TRPV2: variants seen among roughly 807,000 people sequenced by gnomAD.
TRPV2 encodes the protein OTRPC2.
TRPV2 carries 58 observed loss-of-function variants against 91.0 expected under a neutral mutation model. The ratio of observed to expected loss-of-function variants is 0.64; its 90% CI spans 0.52 to 0.79. TRPV2 has a LOEUF of 0.79. TRPV2 is among the 30% of genes least tolerant of loss of function. The pLI is 0.00. For missense variants in TRPV2, 807 were observed against 969.6 expected (o/e 0.83, Z 2.23); for synonymous variants, 417 against 414.8 (o/e 1.01, Z -0.06).
In TRPV2 at chr17:16,432,554, C is replaced by T. The variant is rs1461508230; in HGVS notation, c.1989+254C>T. Among the ~76,000 whole-genome samples the T allele has an allele frequency of 2.6e-5, 4 of 151,758 alleles. No homozygotes were observed. The East Asian group carries it at 7.8e-4, about 30-fold the overall frequency. ...CTCCTGAGCTCAAGTGATCCTCCTT[C>T]CTCAGCCTCCTGAGTAGCTGGGGTT... On this transcript the variant is annotated intron_variant, in intron 12 of 14. Coordinates refer to ENST00000338560, the MANE Select transcript of TRPV2 (RefSeq NM_016113.5).
In TRPV2 at chr17:16,417,681, T is replaced by C. The variant is rs775635605; in HGVS notation, c.13T>C (p.Ser5Pro). The change falls in exon 2 of 15, where the codon TCC (serine) becomes CCC (proline). Residue 5 changes from serine to proline, a missense_variant. Physicochemically the swap from Ser to Pro is moderately conservative, Grantham distance 74. Coordinates refer to ENST00000338560, the MANE Select transcript of TRPV2 (RefSeq NM_016113.5). Reference sequence around the variant, plus strand: ...TCCTCCTCCTAGGATGACCTCACCCTCCAGCTCTCCAGTTTTCAGGTTGGA... The same window carrying C: ...TCCTCCTCCTAGGATGACCTCACCCCCCAGCTCTCCAGTTTTCAGGTTGGA... MTSPSSSPVFRLETL... is the reference protein window; with the variant it reads MTSPPSSPVFRLETL... 2.5e-6 allele frequency: 4 copies of C among 1,614,000 alleles called. No individual in the cohort carries two copies. In the South Asian group the frequency reaches 4.4e-5, roughly 18 times the overall value.
At position 16,417,825 on chromosome 17, in the gene TRPV2, C is replaced by T; in HGVS notation, c.157C>T (p.Gln53Ter). The T allele has an allele frequency of 6.2e-7, 1 of 1,614,204 alleles. No individual in the cohort carries two copies. Among genetic ancestry groups the T allele is most frequent in the Non-Finnish European group, 8.5e-7 (1 of 1,180,034 alleles). ...FQGEDRKFAPQIRVNLNYRKG... is the reference protein window; with the variant it reads ...FQGEDRKFAP ...GGGCGAGGACCGGAAATTCGCCCCTCAGATAAGAGTCAACCTCAACTACCG... is the reference window on the plus strand; with the variant it reads ...GGGCGAGGACCGGAAATTCGCCCCTTAGATAAGAGTCAACCTCAACTACCG... Residue 53 changes from glutamine (Q) to a stop codon, truncating the protein, a stop_gained, in exon 2 of 15, where the codon CAG becomes TAG. Transcript: ENST00000338560. LOFTEE classifies it high-confidence loss of function.
At chr17:16,431,286 T>TATATATATATAC (rs1491151601) in intron 10 of TRPV2, among the ~76,000 whole-genome samples, 4 of 48,702 alleles carry the variant, frequency 8.2e-5, no homozygotes, top group African/African-American at 3.0e-4. Flanking sequence ...TATATATATA[T>TATATATATATAC]ACATATTTTT....
Position 16,432,060 on chromosome 17 carries a change from C to T in TRPV2, c.1749C>T (p.Asp583=), listed in dbSNP as rs774445598. The T allele has an allele frequency of 1.6e-5, 26 of 1,613,850 alleles. No homozygotes were observed. Among genetic ancestry groups the T allele is most frequent in the South Asian group, 7.7e-5 (7 of 91,072 alleles). Residue 583 remains aspartate (D), a synonymous_variant, in exon 12 of 15, where the codon GAC becomes GAT. Coordinates refer to ENST00000338560, the MANE Select transcript of TRPV2 (RefSeq NM_016113.5). ...ESVQPMEGQE[D]EGNGAQYRGI... ...TGCAGCCCATGGAGGGACAGGAGGACGAGGGCAACGGGGCCCAGTACAGGG... is the reference window on the plus strand; with the variant it reads ...TGCAGCCCATGGAGGGACAGGAGGATGAGGGCAACGGGGCCCAGTACAGGG...
In TRPV2 at chr17:16,427,489, T is replaced by C; in HGVS notation, c.1292T>C (p.Met431Thr). 1 of 1,613,914 alleles carries C rather than the reference T, an allele frequency of 6.2e-7. No individual in the cohort carries two copies. The highest frequency in any genetic ancestry group is 1.1e-5 in the South Asian group (1 of 91,066). The change falls in exon 8 of 15, where the codon ATG becomes ACG. Residue 431 changes from methionine to threonine, a missense_variant. Transcript: ENST00000338560. ...PHLKAEVGNSMLLTGHILILL... is the reference protein window; with the variant it reads ...PHLKAEVGNSTLLTGHILILL... ...CTGAAAGCGGAGGTTGGAAACTCCA[T>C]GCTGCTGACGGGCCACATCCTTATC...
chr17:16,434,479 A>AAG (rs951781547), intron 13 of TRPV2, among the ~76,000 whole-genome samples: 6 of 151,872 alleles, frequency 4.0e-5, no homozygotes, highest in Middle Eastern at 3.4e-3. Flanking sequence ...AAAAAAAAAA[A>AAG]AAAAAGAAAA....
At chr17:16,428,039 C>A (rs2093392202) in intron 8 of TRPV2, among the ~76,000 whole-genome samples, 1 of 152,144 alleles carries the variant, frequency 6.6e-6, no homozygotes, top group Admixed American at 6.5e-5. Context: ...TGGGTGCTCC[C>A]TGTGAGGCCA....
intron 3 of TRPV2, among the ~76,000 whole-genome samples, chr17:16,420,865 C>T (rs2093353349): frequency 6.6e-6 from 1 of 152,224 alleles, no homozygotes; most frequent in South Asian, 2.1e-4. Context: ...ATCCTTCCAC[C>T]TTGGCCCCCC....
chr17:16,421,797 C>T (rs899717194), intron 3 of TRPV2, among the ~76,000 whole-genome samples: 1 of 151,436 alleles, frequency 6.6e-6, no homozygotes, highest in African/African-American at 2.4e-5. Flanking sequence ...GGATTACAGG[C>T]GTGAGCCACT....
At position 16,417,615 on chromosome 17, in the gene TRPV2, C is replaced by T. The variant is rs2093337016; in HGVS notation, c.-54C>T. The T allele has an allele frequency of 1.9e-6, 3 of 1,582,716 alleles. No individual in the cohort carries two copies. In the Admixed American group the frequency reaches 5.0e-5, roughly 27 times the overall value. On this transcript the variant is annotated 5_prime_UTR_variant, in exon 2 of 15. Coordinates refer to ENST00000338560, the MANE Select transcript of TRPV2 (RefSeq NM_016113.5). Reference sequence around the variant, plus strand: ...GCTGGGAGGAAGACAGGACCCTTGACATCTCCATCTGCACAGAGGTCCTGG... The same window carrying T: ...GCTGGGAGGAAGACAGGACCCTTGATATCTCCATCTGCACAGAGGTCCTGG...
At chr17:16,431,284 TATACA>T (rs1568919022) in intron 10 of TRPV2, among the ~76,000 whole-genome samples, 17 of 46,490 alleles carry the variant, frequency 3.7e-4, no homozygotes, top group Admixed American at 9.1e-4. Context: ...TATATATATA[TATACA>T]TATTTTTTTT....
chr17:16,428,292 C>T lies in TRPV2; in HGVS notation c.1351-25C>T, dbSNP rs377437337. 1.1e-5 allele frequency: 18 copies of T among 1,612,784 alleles called. No individual in the cohort carries two copies. The African/African-American group carries it at 2.3e-4, about 20-fold the overall frequency. ...GCATGCGGGAGAGCAGGTTTCACAG[C>T]CCTCTGTCCTCCCTTCCTCCGCAGC... On this transcript the variant is annotated intron_variant, in intron 8 of 14. Transcript: ENST00000338560.
chr17:16,431,281 ATATATACATATTTTTTTTTTT>A (rs2093409890), intron 10 of TRPV2, among the ~76,000 whole-genome samples: 1 of 59,460 alleles, frequency 1.7e-5, no homozygotes, highest in Non-Finnish European at 3.3e-5. Flanking sequence ...ATATATATAT[ATATATACATATTTTTTTTTTT>A]TTTTTTTTTG....
chr17:16,426,661 G>T lies in TRPV2; in HGVS notation c.1096-61G>T. The stretch of plus-strand genomic sequence containing the variant: ...TGGGCCCTTGCTTTGATCTTGACAT[G>T]GAGTGGGCAGCCTATTTGCACTTGT... On this transcript the variant is annotated intron_variant, in intron 6 of 14. Transcript: ENST00000338560. This position sits in a 1 kb window ranked among gnomAD's most constrained non-coding sequence, Gnocchi z 6.0. The T allele has an allele frequency of 1.9e-6, 3 of 1,558,746 alleles. No homozygotes were observed. Among genetic ancestry groups the T allele is most frequent in the Non-Finnish European group, 1.7e-6 (2 of 1,149,772 alleles).
intron 5 of TRPV2, 52 bp downstream of exon 5, chr17:16,423,819 A>T (rs1600969614): frequency 6.8e-7 from 1 of 1,480,680 alleles, no homozygotes. Flanking sequence ...AGTAGGTCTC[A>T]TCCCAAAATT....
intron 9 of TRPV2, 56 bp from the exon 10 acceptor site, chr17:16,428,761 G>A: frequency 6.2e-7 from 1 of 1,604,410 alleles, no homozygotes; most frequent in South Asian, 1.1e-5. Context: ...ATAGGCCAGT[G>A]GGGGCTCAGG....
rs767844243 is a variant in TRPV2 at position 16,420,146 on chromosome 17, C to T, written c.232C>T (p.Arg78Trp). ...GGATCCAAACCGATTTGACCGAGATCGGCTCTTCAATGCGGTCTCCCGGGG... is the reference window on the plus strand; with the variant it reads ...GGATCCAAACCGATTTGACCGAGATTGGCTCTTCAATGCGGTCTCCCGGGG... Reference protein sequence around the residue: ...QPDPNRFDRDRLFNAVSRGVP... With the variant: ...QPDPNRFDRDWLFNAVSRGVP... Residue 78 changes from arginine (R) to tryptophan (W), a missense_variant, in exon 3 of 15, where the codon CGG becomes TGG. By Grantham distance (101) the Arg-to-Trp change is moderately radical. Coordinates refer to ENST00000338560, the MANE Select transcript of TRPV2 (RefSeq NM_016113.5). 5.6e-6 allele frequency: 9 copies of T among 1,613,736 alleles called. No homozygotes were observed. The highest frequency in any genetic ancestry group is 2.7e-5 in the African/African-American group (2 of 74,914).
At chr17:16,427,719 G>C (rs1465002277) in intron 8 of TRPV2, among the ~76,000 whole-genome samples, 172 bp downstream of exon 8, 1 of 152,104 alleles carries the variant, frequency 6.6e-6, no homozygotes. Flanking sequence ...GAGTCCCCAG[G>C]AACCCCTCTG....
intron 2 of TRPV2, among the ~76,000 whole-genome samples, chr17:16,419,827 A>AAGGCACCTGGCACATGAC (rs1286454412): frequency 6.6e-6 from 1 of 152,202 alleles, no homozygotes; most frequent in Non-Finnish European, 1.5e-5. Flanking sequence ...ATGGTACATC[A>AAGGCACCTGGCACATGAC]AGGCACCTGG....
Sources: gnomAD v4.1 joint callset for allele counts (sites outside exome capture counted in the v4.1 genomes callset) on GRCh38, gnomAD v4.1.1 for gene constraint, Gnocchi (gnomAD v3.1) non-coding constraint, MANE v1.5 for transcripts, NCBI Gene and HGNC (gene_info 2026-07-23, HGNC 2026-07-21) for gene names.